The following COMMD7 variants were observed in gnomAD, a reference collection of about 807,000 sequenced individuals.
The protein encoded by COMMD7 is COMM domain-containing protein 7.
In COMMD7, 28 loss-of-function variants were observed where a neutral mutation model predicts 34.8. The observed-to-expected ratio is 0.80, with a 90% CI of 0.60 to 1.10. The LOEUF (loss-of-function observed/expected upper bound fraction) is 1.10, where lower values mean the gene tolerates loss of function less well. Among genes scored for constraint, COMMD7 ranks in the 50% least tolerant of loss-of-function variants. The pLI, the probability that COMMD7 is intolerant of heterozygous loss-of-function variation, is 0.00. For missense variants in COMMD7, 211 were observed against 241.6 expected, an observed-to-expected ratio of 0.87 and a Z score of 0.84; for synonymous variants, 80 against 86.4, an observed-to-expected ratio of 0.93 and a Z score of 0.41.
chr20:32,712,935 T>C (rs539099447), intron 3 of COMMD7, among the ~76,000 whole-genome samples: 2 of 151,948 alleles, frequency 1.3e-5, no homozygotes, highest in South Asian at 2.1e-4. Context: ...GTATTTTTAG[T>C]AGAGACCAGG....
At chr20:32,705,040 C>T (rs1983982284) in intron 5 of COMMD7, 136 bp from the exon 6 acceptor site, 10 of 655,374 alleles carry the variant, frequency 1.5e-5, no homozygotes, top group Non-Finnish European at 2.4e-5. Context: ...GGGTGCAGAA[C>T]GAAGGGCTCA....
chr20:32,717,191 C>T (rs1422981115), intron 3 of COMMD7, among the ~76,000 whole-genome samples: 2 of 151,884 alleles, frequency 1.3e-5, no homozygotes, highest in Non-Finnish European at 2.9e-5. Flanking sequence ...GGTCTTCCTC[C>T]GTTGTGCAAA....
At chr20:32,731,475 G>A (rs572051269) in intron 1 of COMMD7, among the ~76,000 whole-genome samples, 86 of 152,050 alleles carry the variant, frequency 5.7e-4, no homozygotes, top group Non-Finnish European at 1.1e-3. Flanking sequence ...CAGCCTGAGC[G>A]ACAGTGCAAG....
intron 5 of COMMD7, among the ~76,000 whole-genome samples, chr20:32,706,198 C>CAA (rs750061575): frequency 1.7e-3 from 181 of 106,312 alleles, no homozygotes; most frequent in African/African-American, 6.2e-3. Context: ...AACTCTGTCT[C>CAA]AAAAAAAAAA....
chr20:32,738,495 G>A (rs966784922), intron 1 of COMMD7, among the ~76,000 whole-genome samples: 43 of 152,094 alleles, frequency 2.8e-4, no homozygotes, highest in African/African-American at 9.9e-4. Context: ...GCTGAGGCAG[G>A]AGAATCACTT....
intron 1 of COMMD7, among the ~76,000 whole-genome samples, chr20:32,734,731 C>G (rs1986046590): frequency 6.6e-6 from 1 of 152,022 alleles, no homozygotes; most frequent in Non-Finnish European, 1.5e-5. Flanking sequence ...AGTTCAAGAC[C>G]ATCCTGGCCA....
intron 3 of COMMD7, among the ~76,000 whole-genome samples, chr20:32,712,099 A>G (rs982556702): frequency 2.0e-5 from 3 of 151,040 alleles, no homozygotes; most frequent in Non-Finnish European, 3.0e-5. Context: ...ATGAAACCCC[A>G]TCTCTACTAA....
intron 1 of COMMD7, among the ~76,000 whole-genome samples, chr20:32,737,158 G>A (rs1273192750): frequency 1.3e-5 from 2 of 151,640 alleles, no homozygotes; most frequent in Admixed American, 6.6e-5. Flanking sequence ...TTCCAGCCTG[G>A]GTGACAGAGC....
Position 32,730,879 on chromosome 20 carries a change from TA to T in COMMD7, c.85-2738del, listed in dbSNP as rs556821652. Among the ~76,000 whole-genome samples, 319 of 151,956 alleles carry T rather than the reference TA, an allele frequency of 2.1e-3. 1 individual carries two copies. Among genetic ancestry groups the T allele is most frequent in the African/African-American group, 7.5e-3 (309 of 41,452 alleles). On this transcript the variant is annotated intron_variant, in intron 1 of 8. Coordinates refer to ENST00000278980, the MANE Select transcript of COMMD7 (RefSeq NM_053041.3). ...TGATCCACCTTCTAGAAGCAATATATAAAAAAAGAAAAAGATTATAGGCAGA... is the reference window on the plus strand; with the variant it reads ...TGATCCACCTTCTAGAAGCAATATATAAAAAAGAAAAAGATTATAGGCAGA...
At chr20:32,729,968 A>G (rs1985745780) in intron 1 of COMMD7, among the ~76,000 whole-genome samples, 1 of 152,108 alleles carries the variant, frequency 6.6e-6, no homozygotes, top group Non-Finnish European at 1.5e-5. Flanking sequence ...AGCTGTGATC[A>G]TGCCACTGTA....
At chr20:32,721,484 C>T (rs1985153660) in intron 3 of COMMD7, among the ~76,000 whole-genome samples, 1 of 151,928 alleles carries the variant, frequency 6.6e-6, no homozygotes, top group African/African-American at 2.4e-5. Flanking sequence ...ACGGCTTACG[C>T]CTGTAATCCC....
intron 3 of COMMD7, among the ~76,000 whole-genome samples, chr20:32,711,225 C>T (rs1001475372): frequency 6.6e-6 from 1 of 151,820 alleles, no homozygotes; most frequent in Non-Finnish European, 1.5e-5. Flanking sequence ...GGTGAAACCC[C>T]GTCTCCACTA....
At chr20:32,709,826 CCTGA>C (rs1984324153) in intron 3 of COMMD7, among the ~76,000 whole-genome samples, 1 of 152,066 alleles carries the variant, frequency 6.6e-6, no homozygotes, top group African/African-American at 2.4e-5. Context: ...CAGGGTTCTG[CCTGA>C]CTCTTACCTC....
intron 3 of COMMD7, among the ~76,000 whole-genome samples, chr20:32,723,074 G>GGTTCTGCACTTTAGGCACC (rs1600988681): frequency 1.4e-3 from 50 of 35,730 alleles, no homozygotes; most frequent in African/African-American, 1.9e-3. Context: ...AAAGACTTGT[G>GGTTCTGCACTTTAGGCACC]ATCCTCTCCC....
chr20:32,703,913 C>G (rs776931869), intron 8 of COMMD7, 110 bp downstream of exon 8: 551 of 1,577,896 alleles, frequency 3.5e-4, no homozygotes, highest in Non-Finnish European at 4.5e-4. Flanking sequence ...TACTCCACAG[C>G]TGGCAATGAC....
chr20:32,704,395 C>T, intron 7 of COMMD7, 45 bp downstream of exon 7: 1 of 1,544,758 alleles, frequency 6.5e-7, no homozygotes, highest in South Asian at 1.2e-5. Flanking sequence ...AATTTTTAAC[C>T]AAGTCAAAAA....
intron 3 of COMMD7, among the ~76,000 whole-genome samples, chr20:32,720,435 C>T (rs1415919091): frequency 6.6e-6 from 1 of 152,028 alleles, no homozygotes; most frequent in Non-Finnish European, 1.5e-5. Flanking sequence ...GCAGAGATTG[C>T]AGTGAGCCGA....
At chr20:32,718,348 G>A (rs533024379) in intron 3 of COMMD7, among the ~76,000 whole-genome samples, 1 of 151,392 alleles carries the variant, frequency 6.6e-6, no homozygotes, top group Non-Finnish European at 1.5e-5. Flanking sequence ...AGCTTGCAGT[G>A]AACCGAGTTT....
intron 3 of COMMD7, among the ~76,000 whole-genome samples, chr20:32,712,501 C>T (rs1450283583): frequency 5.4e-5 from 8 of 149,468 alleles, no homozygotes; most frequent in African/African-American, 2.0e-4. Flanking sequence ...AGCAAGATTC[C>T]GTCTCAAATT....
Sources: allele counts gnomAD v4.1 joint callset (sites outside exome capture counted in the v4.1 genomes callset), GRCh38; gene constraint gnomAD v4.1.1; transcripts MANE v1.5; gene names NCBI Gene and HGNC (gene_info 2026-07-23, HGNC 2026-07-21).